The following NRAP variants were observed in gnomAD, a reference collection of about 807,000 sequenced individuals.
The protein encoded by NRAP is nebulin related anchoring protein.
In NRAP, 189 loss-of-function variants were observed where a neutral mutation model predicts 225.9. That is an observed-to-expected ratio of 0.84 (90% CI 0.74 to 0.94). The LOEUF (loss-of-function observed/expected upper bound fraction) is 0.94, where lower values mean the gene tolerates loss of function less well. NRAP is among the 40% of genes least tolerant of loss of function. The pLI is 0.00. For missense variants in NRAP, 2,176 were observed against 2,168.7 expected, an observed-to-expected ratio of 1.00 and a Z score of -0.07; for synonymous variants, 769 against 790.7, an observed-to-expected ratio of 0.97 and a Z score of 0.46.
At chr10:113,634,232 A>G in intron 14 of NRAP, 22 bp from the exon 15 acceptor site, 1 of 1,513,010 alleles carries the variant, frequency 6.6e-7, no homozygotes, top group South Asian at 1.1e-5. Context: ...CAGGCACAAA[A>G]AGATGTCATT....
rs775767594 is a variant in NRAP, at chr10:113,640,314, A to G, written c.1341T>C (p.Asp447=). 1 of 1,592,278 alleles carries G rather than the reference A, an allele frequency of 6.3e-7. No individual in the cohort carries two copies. Among genetic ancestry groups the G allele is most frequent in the South Asian group, 1.1e-5 (1 of 89,202 alleles). The change falls in exon 14 of 42, where the codon GAT becomes GAC. Residue 447 remains aspartate, a synonymous_variant. Transcript: ENST00000359988. The stretch of plus-strand genomic sequence containing the variant: ...TGTAGTCGACAATATCATGTTTATA[A>G]TCAGCTTTGTAGGCAACCTAAAACA... ...SLASNVAYKA[D]YKHDIVDYNY...
chr10:113,624,877 T>C lies in NRAP; in HGVS notation c.2298A>G (p.Lys766=), dbSNP rs994737895. 1 of 1,614,120 alleles carries C rather than the reference T, an allele frequency of 6.2e-7. No individual in the cohort carries two copies. The highest frequency in any genetic ancestry group is 1.3e-5 in the African/African-American group (1 of 75,048). Residue 766 remains lysine (K), a synonymous_variant, in exon 22 of 42, where the codon AAA becomes AAG. Coordinates refer to ENST00000359988, the MANE Select transcript of NRAP (RefSeq NM_198060.4). ...GGGCCTGCAGGAAGAGAGGCTCGTC[T>C]TTGCTGATGGTATACTGATGGACAG... ...EQSVHQYTIS[K]DEPLFLQARA...
At chr10:113,626,525 A>G (rs1848301503) in intron 20 of NRAP, among the ~76,000 whole-genome samples, 3 of 152,048 alleles carry the variant, frequency 2.0e-5, no homozygotes, top group Admixed American at 2.0e-4. Flanking sequence ...CAGCTTCATT[A>G]CCTCCGGCAC....
chr10:113,641,451 G>C lies in NRAP; in HGVS notation c.1237C>G (p.Gln413Glu), dbSNP rs772322098. Residue 413 changes from glutamine to glutamate, a missense_variant, in exon 13 of 42, where the codon CAG becomes GAG. Gln to Glu is a conservative substitution (Grantham distance 29, BLOSUM62 2). This residue lies in a region of NRAP where 1,708 missense variants were observed against 1,695.5 expected (regional missense o/e 1.01). Coordinates refer to ENST00000359988, the MANE Select transcript of NRAP (RefSeq NM_198060.4). ...TCATAGCGGCCTCTCATGTGGTTCTGGTAGTTTTCTTTATATTTATTCTAC... is the reference window on the plus strand; with the variant it reads ...TCATAGCGGCCTCTCATGTGGTTCTCGTAGTTTTCTTTATATTTATTCTAC... ...TSDNKYKENY[Q>E]NHMRGRYEGV... The C allele has an allele frequency of 2.5e-5, 41 of 1,612,094 alleles. No homozygotes were observed. Among genetic ancestry groups the C allele is most frequent in the Non-Finnish European group, 3.4e-5 (40 of 1,178,454 alleles).
chr10:113,600,169 C>CTCTCTCTCTG (rs1846515691), intron 35 of NRAP, among the ~76,000 whole-genome samples: 1 of 151,250 alleles, frequency 6.6e-6, no homozygotes, highest in Non-Finnish European at 1.5e-5. Context: ...CTCTCTCTCT[C>CTCTCTCTCTG]TCTCTCTCTC....
At chr10:113,652,894 A>T (rs1197314825) in intron 6 of NRAP, 41 bp downstream of exon 6, 1 of 1,411,728 alleles carries the variant, frequency 7.1e-7, no homozygotes, top group Admixed American at 1.8e-5. Context: ...TAATGACAAA[A>T]ATTAGCATAA....
chr10:113,633,028 T>C (rs1046087148), intron 16 of NRAP, 56 bp downstream of exon 16: 2 of 918,422 alleles, frequency 2.2e-6, no homozygotes, highest in African/African-American at 3.2e-5. Context: ...CCTGTTATCT[T>C]TGTTTTCACA....
rs1257391368 is a variant in NRAP at position 113,650,422 on chromosome 10, T to C, written c.783+16A>G. On this transcript the variant is annotated intron_variant, in intron 8 of 41. Coordinates refer to ENST00000359988, the MANE Select transcript of NRAP (RefSeq NM_198060.4). The stretch of plus-strand genomic sequence containing the variant: ...CTCTTTCTCCCTAACATGACCACAT[T>C]GTCAAGGACACTTACATCACTTGCC... The C allele has an allele frequency of 1.3e-5, 20 of 1,571,412 alleles. No homozygotes were observed. Among genetic ancestry groups the C allele is most frequent in the Non-Finnish European group, 1.8e-5 (20 of 1,140,822 alleles).
intron 25 of NRAP, among the ~76,000 whole-genome samples, chr10:113,617,991 A>G (rs1365607532): frequency 6.6e-6 from 1 of 152,238 alleles, no homozygotes; most frequent in Non-Finnish European, 1.5e-5. Flanking sequence ...ATTGCAGTCA[A>G]AACCCTCACA....
In NRAP at chr10:113,614,943, G is replaced by A. The variant is rs759432517; in HGVS notation, c.3082C>T (p.Arg1028Cys). Residue 1028 changes from arginine to cysteine, a missense_variant, in exon 28 of 42, where the codon CGT becomes TGT. By Grantham distance (180) the Arg-to-Cys change is radical (BLOSUM62 -3). Transcript: ENST00000359988. ...AGTTTGCTCCAGGATTCCTTATAAC[G>A]CGTCTGTCGGGAAGATGTGCACAAG... Reference protein sequence around the residue: ...KLNAMNISETRYKESWSKLRD... With the variant: ...KLNAMNISETCYKESWSKLRD... The A allele has an allele frequency of 1.3e-5, 20 of 1,578,588 alleles. No homozygotes were observed. The highest frequency in any genetic ancestry group is 6.7e-5 in the Admixed American group (4 of 59,938).
At chr10:113,650,836 T>G (rs1365806201) in intron 7 of NRAP, among the ~76,000 whole-genome samples, 2 of 152,152 alleles carry the variant, frequency 1.3e-5, no homozygotes, top group Admixed American at 6.5e-5. Flanking sequence ...TCCTCAGCCC[T>G]CAAGGAGTTG....
chr10:113,615,368 C>G (rs1343417741), intron 27 of NRAP, among the ~76,000 whole-genome samples: 1 of 152,048 alleles, frequency 6.6e-6, no homozygotes, highest in African/African-American at 2.4e-5. Flanking sequence ...GGAGTTAAGC[C>G]CCAAGTCTTC....
intron 3 of NRAP, 147 bp downstream of exon 3, chr10:113,662,531 GC>G (rs1850743568): frequency 1.6e-6 from 1 of 624,108 alleles, no homozygotes; most frequent in Non-Finnish European, 2.8e-6. Flanking sequence ...CAAACCATCT[GC>G]CCGCTTTGGC....
chr10:113,597,876 C>T, intron 36 of NRAP, 93 bp downstream of exon 36: 1 of 919,498 alleles, frequency 1.1e-6, no homozygotes, highest in Non-Finnish European at 1.8e-6. Flanking sequence ...GCCATGAGGT[C>T]CTTTGGGTTC....
intron 14 of NRAP, among the ~76,000 whole-genome samples, chr10:113,639,593 AGGTGACTTTTAT>A: frequency 6.6e-6 from 1 of 152,340 alleles, no homozygotes; most frequent in South Asian, 2.1e-4. Flanking sequence ...TTAAGCTAGT[AGGTGACTTTTAT>A]CTTTTTCTTT....
At chr10:113,610,354 TAAAAAAAA>T (rs35334254) in intron 31 of NRAP, 97 bp downstream of exon 31, 4 of 397,732 alleles carry the variant, frequency 1.0e-5, no homozygotes, top group Non-Finnish European at 1.8e-5. Context: ...CATCTCAAAT[TAAAAAAAA>T]AAAAAAAAAA....
Position 113,589,004 on chromosome 10 carries a change from C to T in NRAP, c.5164G>A (p.Val1722Ile), listed in dbSNP as rs779673504. The T allele has an allele frequency of 2.4e-5, 39 of 1,613,928 alleles. No homozygotes were observed. The highest frequency in any genetic ancestry group is 2.8e-5 in the Non-Finnish European group (33 of 1,179,900). Residue 1722 changes from valine (V) to isoleucine (I), a missense_variant, in exon 42 of 42, where the codon GTC becomes ATC. Around this residue, in one of 3 missense-constraint regions of NRAP, gnomAD observed 445 missense variants for 426.1 expected, o/e 1.04. Transcript: ENST00000359988. The stretch of plus-strand genomic sequence containing the variant: ...AACAGCAGGGCCTTCTTCTTTTTGA[C>T]GTGCAGAATCTCAGTGGCATCTGGG... ...VNPDATEILHVKKKKALLL is the reference protein window; with the variant it reads ...VNPDATEILHIKKKKALLL
chr10:113,642,979 T>C lies in NRAP; in HGVS notation c.1170A>G (p.Thr390=). The C allele has an allele frequency of 6.2e-7, 1 of 1,608,950 alleles. No individual in the cohort carries two copies. Among genetic ancestry groups the C allele is most frequent in the Non-Finnish European group, 8.5e-7 (1 of 1,175,260 alleles). The change falls in exon 12 of 42, where the codon ACA becomes ACG. Residue 390 remains threonine, a synonymous_variant. Coordinates refer to ENST00000359988, the MANE Select transcript of NRAP (RefSeq NM_198060.4). The part of the protein sequence containing the change: ...SRGHSINYCE[T]PQFRNVSKIS... The stretch of plus-strand genomic sequence containing the variant: ...TCTTGCTCACGTTCCTGAATTGAGG[T>C]GTTTCACAGTAGTTGATACTGTGAC...
At chr10:113,660,995 A>G (rs1360349710) in intron 3 of NRAP, among the ~76,000 whole-genome samples, 4 of 152,212 alleles carry the variant, frequency 2.6e-5, no homozygotes, top group African/African-American at 9.6e-5. Flanking sequence ...AGATAATATA[A>G]AGAACTTAGC....
Sources: gnomAD v4.1 joint callset for allele counts (sites outside exome capture counted in the v4.1 genomes callset) on GRCh38, gnomAD v4.1.1 for gene constraint, gnomAD v4.1.1 regional missense constraint, MANE v1.5 for transcripts, NCBI Gene and HGNC (gene_info 2026-07-23, HGNC 2026-07-21) for gene names.